Variants in ZCCHC24 observed in about 807,000 individuals in gnomAD.
ZCCHC24 encodes the protein zinc finger CCHC domain-containing protein 24.
Under a neutral mutation model 26.2 loss-of-function variants are expected in ZCCHC24, and 10 were observed. The observed-to-expected ratio is 0.38, with a 90% confidence interval of 0.24 to 0.65. The LOEUF (loss-of-function observed/expected upper bound fraction) is 0.65, where lower values mean the gene tolerates loss of function less well. ZCCHC24 is among the 30% of genes least tolerant of loss of function. The probability of loss-of-function intolerance (pLI) is 0.54; values close to 1 mark genes in which losing one functional copy is unlikely to be tolerated. For synonymous variants in ZCCHC24, 144 were observed against 147.1 expected, an observed-to-expected ratio of 0.98 and a Z score of 0.15; for missense variants, 243 against 329.1, an observed-to-expected ratio of 0.74 and a Z score of 2.03.
intron 2 of ZCCHC24, among the ~76,000 whole-genome samples, chr10:79,400,073 G>A (rs557699621): frequency 6.6e-6 from 1 of 152,330 alleles, no homozygotes; most frequent in Admixed American, 6.5e-5. Flanking sequence ...CAACCAGGCA[G>A]GTGTGGAGAC....
At chr10:79,438,052 C>T (rs945356771) in intron 1 of ZCCHC24, among the ~76,000 whole-genome samples, 5 of 152,140 alleles carry the variant, frequency 3.3e-5, no homozygotes, top group Non-Finnish European at 5.9e-5. Flanking sequence ...AAGGCAGCGT[C>T]TGGGCCAGGC....
chr10:79,391,698 G>A (rs1020026776), intron 3 of ZCCHC24, among the ~76,000 whole-genome samples: 9 of 151,710 alleles, frequency 5.9e-5, no homozygotes, highest in Admixed American at 2.0e-4. Context: ...GCCCTTCCAG[G>A]CTCCAAGCTA....
intron 1 of ZCCHC24, 32 bp from the exon 2 acceptor site, chr10:79,432,790 C>T: frequency 6.3e-7 from 1 of 1,599,962 alleles, no homozygotes; most frequent in East Asian, 2.3e-5. Context: ...ATACTACAGC[C>T]TCTGCCTTGG....
At chr10:79,443,862 T>A (rs1857321016) in intron 1 of ZCCHC24, among the ~76,000 whole-genome samples, 1 of 152,240 alleles carries the variant, frequency 6.6e-6, no homozygotes, top group Admixed American at 6.5e-5. Context: ...TTCAGACTCA[T>A]CTTCCTCCTC....
At chr10:79,404,331 C>T (rs1284998414) in intron 2 of ZCCHC24, among the ~76,000 whole-genome samples, 1 of 152,250 alleles carries the variant, frequency 6.6e-6, no homozygotes, top group Non-Finnish European at 1.5e-5. Context: ...ATTTTAATCA[C>T]ATGAACAGCC....
intron 1 of ZCCHC24, among the ~76,000 whole-genome samples, chr10:79,442,100 AG>A (rs1335748957): frequency 6.6e-6 from 1 of 152,190 alleles, no homozygotes; most frequent in African/African-American, 2.4e-5. Flanking sequence ...GAGAGAGAGA[AG>A]GGGCTCAGCC....
intron 2 of ZCCHC24, among the ~76,000 whole-genome samples, chr10:79,399,666 C>G (rs929254345): frequency 6.6e-6 from 1 of 152,068 alleles, no homozygotes; most frequent in Non-Finnish European, 1.5e-5. Flanking sequence ...GATCCTCACA[C>G]GAGGGCAGCC....
intron 3 of ZCCHC24, among the ~76,000 whole-genome samples, chr10:79,393,572 C>T (rs1231681205): frequency 6.6e-6 from 1 of 152,234 alleles, no homozygotes; most frequent in Non-Finnish European, 1.5e-5. Context: ...TCTCTGCACA[C>T]AACCAGAGTA....
intron 1 of ZCCHC24, among the ~76,000 whole-genome samples, chr10:79,443,440 A>C (rs1371722430): frequency 1.3e-5 from 2 of 152,280 alleles, no homozygotes; most frequent in East Asian, 3.9e-4. Flanking sequence ...AGGGGTCCAC[A>C]CTTGACCTGT....
Position 79,445,546 on chromosome 10 carries a change from C to T in ZCCHC24, c.-106G>A. ...CTGTGCCCACTGCCCGCCTCCCGAG[C>T]CCCGACGGTGATCGCCCCGCGCCCT... On this transcript the variant is annotated 5_prime_UTR_variant, in exon 1 of 4. Transcript: ENST00000372336. The T allele has an allele frequency of 9.6e-7, 1 of 1,041,610 alleles. No individual in the cohort carries two copies. Among genetic ancestry groups the T allele is most frequent in the Non-Finnish European group, 1.2e-6 (1 of 831,678 alleles). The allele number at this position is 1,041,610 out of a possible 1,614,324, so 64.5% of individuals were successfully genotyped here.
intron 1 of ZCCHC24, among the ~76,000 whole-genome samples, chr10:79,444,766 C>T (rs1251315858): frequency 6.6e-6 from 1 of 152,232 alleles, no homozygotes; most frequent in Non-Finnish European, 1.5e-5. Flanking sequence ...GCAGAATCTG[C>T]ACTCTCGGTC....
intron 2 of ZCCHC24, among the ~76,000 whole-genome samples, chr10:79,430,222 G>A (rs112364701): frequency 0.015 from 2,245 of 152,232 alleles, 26 homozygotes; most frequent in South Asian, 0.033. Flanking sequence ...GACAGGCGAC[G>A]AAACTGATGC....
intron 2 of ZCCHC24, among the ~76,000 whole-genome samples, chr10:79,405,781 T>C (rs1379374734): frequency 6.6e-6 from 1 of 152,056 alleles, no homozygotes; most frequent in African/African-American, 2.4e-5. Flanking sequence ...AAAATAGTGA[T>C]GGGGGAAGGG....
chr10:79,423,581 C>CTATATATATATTTTA, intron 2 of ZCCHC24, among the ~76,000 whole-genome samples: 1,674 of 53,716 alleles, frequency 0.031, 162 homozygotes, highest in African/African-American at 0.11. Flanking sequence ...AATATATATA[C>CTATATATATATTTTA]TATATATATA....
chr10:79,386,707 C>T (rs1206612993), intron 3 of ZCCHC24, among the ~76,000 whole-genome samples: 1 of 152,168 alleles, frequency 6.6e-6, no homozygotes, highest in Non-Finnish European at 1.5e-5. Context: ...TGCCGGGGCC[C>T]TCCTCCTGAG....
chr10:79,406,985 ATCCAGT>A (rs1470216205), intron 2 of ZCCHC24, among the ~76,000 whole-genome samples: 3 of 152,092 alleles, frequency 2.0e-5, no homozygotes, highest in Non-Finnish European at 4.4e-5. Flanking sequence ...TCCCAACCAA[ATCCAGT>A]GGAAGCTGCA....
chr10:79,399,618 G>A (rs1037390226), intron 2 of ZCCHC24, among the ~76,000 whole-genome samples: 7 of 152,318 alleles, frequency 4.6e-5, no homozygotes, highest in African/African-American at 1.7e-4. Context: ...CTGAGCTCGG[G>A]GGAGGGAAGG....
chr10:79,411,892 A>G (rs528120148), intron 2 of ZCCHC24, among the ~76,000 whole-genome samples: 1 of 152,276 alleles, frequency 6.6e-6, no homozygotes, highest in South Asian at 2.1e-4. Context: ...CTGCCAGGGC[A>G]GGACCCCCAG....
intron 2 of ZCCHC24, among the ~76,000 whole-genome samples, chr10:79,420,801 C>T (rs1856924614): frequency 6.6e-6 from 1 of 150,842 alleles, no homozygotes; most frequent in Admixed American, 6.6e-5. Flanking sequence ...ATAATAATGA[C>T]AGTAATTAAC....
Sources: gnomAD v4.1 joint callset for allele counts (sites outside exome capture counted in the v4.1 genomes callset) on GRCh38, gnomAD v4.1.1 for gene constraint, MANE v1.5 for transcripts, NCBI Gene and HGNC (gene_info 2026-07-23, HGNC 2026-07-21) for gene names.